The following SLC9B1 variants were observed in gnomAD, a reference collection of about 807,000 sequenced individuals.
SLC9B1 encodes sodium/hydrogen exchanger 9B1.
SLC9B1 carries 32 observed loss-of-function variants against 51.7 expected under a neutral mutation model. The ratio of observed to expected loss-of-function variants is 0.62; its 90% CI spans 0.47 to 0.83. The LOEUF (loss-of-function observed/expected upper bound fraction) is 0.83, where lower values mean the gene tolerates loss of function less well. Among genes scored for constraint, SLC9B1 ranks in the 40% least tolerant of loss-of-function variants. The pLI is 0.00. For synonymous variants in SLC9B1, 145 were observed against 212.7 expected, an observed-to-expected ratio of 0.68 and a Z score of 2.77; for missense variants, 406 against 613.2, an observed-to-expected ratio of 0.66 and a Z score of 3.57.
chr4:102,973,463 A>C (rs1446478891), intron 3 of SLC9B1, among the ~76,000 whole-genome samples: 5 of 152,260 alleles, frequency 3.3e-5, no homozygotes, highest in African/African-American at 1.2e-4. Context: ...AGAAACTTAA[A>C]CCTCTGAGTC....
downstream of SLC9B1, among the ~76,000 whole-genome samples, chr4:102,898,879 C>T (rs928081569): frequency 6.6e-6 from 1 of 152,190 alleles, no homozygotes; most frequent in African/African-American, 2.4e-5. Flanking sequence ...AGGCACCTGC[C>T]ACCACGCCTG....
chr4:102,998,749 G>A (rs1740360668), intron 1 of SLC9B1, among the ~76,000 whole-genome samples: 1 of 152,022 alleles, frequency 6.6e-6, no homozygotes, highest in African/African-American at 2.4e-5. Flanking sequence ...GGTATCTACT[G>A]TAGTTTTCAT....
At chr4:102,908,186 T>C (rs538825662) in intron 9 of SLC9B1, among the ~76,000 whole-genome samples, 348 of 152,214 alleles carry the variant, frequency 2.3e-3, no homozygotes, top group African/African-American at 8.2e-3. Flanking sequence ...AGAAGTAGGA[T>C]TAAATAGACT....
intron 3 of SLC9B1, among the ~76,000 whole-genome samples, chr4:102,969,946 TA>T (rs201639901): frequency 6.8e-6 from 1 of 147,306 alleles, no homozygotes; most frequent in African/African-American, 2.5e-5. Flanking sequence ...AGAAAAAGAG[TA>T]AAAAAAAACG....
chr4:102,888,054 C>CTGTGTGTGTGTG (rs35045951), intron 11 of SLC9B1: 1 of 148,106 alleles, frequency 6.8e-6, no homozygotes, highest in Non-Finnish European at 1.5e-5. Flanking sequence ...AGGCTTGTGT[C>CTGTGTGTGTGTG]TGTGTGTGTG....
At chr4:102,931,512 A>G (rs187697598) in intron 7 of SLC9B1, among the ~76,000 whole-genome samples, 15 of 152,296 alleles carry the variant, frequency 9.8e-5, no homozygotes, top group Admixed American at 2.0e-4. Context: ...TTACTTTTCA[A>G]CTTAAAAATA....
intron 3 of SLC9B1, among the ~76,000 whole-genome samples, chr4:102,965,467 A>T (rs1738373398): frequency 6.6e-6 from 1 of 152,158 alleles, no homozygotes; most frequent in Non-Finnish European, 1.5e-5. Flanking sequence ...ATCCAGTTTC[A>T]TGAGAGCAAG....
intron 3 of SLC9B1, among the ~76,000 whole-genome samples, chr4:102,950,577 T>A (rs1737497242): frequency 6.6e-6 from 1 of 152,208 alleles, no homozygotes; most frequent in African/African-American, 2.4e-5. Flanking sequence ...TTTGCCAGGG[T>A]AAAAGAGGAC....
intron 1 of SLC9B1, among the ~76,000 whole-genome samples, chr4:103,005,273 A>C (rs1021140111): frequency 6.6e-6 from 1 of 151,660 alleles, no homozygotes; most frequent in Non-Finnish European, 1.5e-5. Flanking sequence ...AAAAAAAAAA[A>C]AAAACCAGAA....
intron 7 of SLC9B1, among the ~76,000 whole-genome samples, chr4:102,923,362 G>C (rs567449264): frequency 1.3e-5 from 2 of 152,196 alleles, no homozygotes; most frequent in South Asian, 2.1e-4. Context: ...AAATTCAACA[G>C]CCCTTCATGC....
At chr4:102,939,958 C>T (rs545014840) in intron 6 of SLC9B1, among the ~76,000 whole-genome samples, 1 of 152,164 alleles carries the variant, frequency 6.6e-6, no homozygotes, top group African/African-American at 2.4e-5. Context: ...CAAGGATGCC[C>T]ACTCTCACTA....
intron 6 of SLC9B1, among the ~76,000 whole-genome samples, chr4:102,938,448 A>C (rs546409451): frequency 6.6e-6 from 1 of 152,364 alleles, no homozygotes; most frequent in South Asian, 2.1e-4. Context: ...TCTCACTGAC[A>C]GTACTAGACA....
intron 3 of SLC9B1, among the ~76,000 whole-genome samples, chr4:102,973,999 G>A (rs556552219): frequency 6.6e-6 from 1 of 152,194 alleles, no homozygotes; most frequent in South Asian, 2.1e-4. Context: ...ACTTTGGGAG[G>A]TCAAGGCGGG....
chr4:102,886,188 T>C (rs1463719370), intron 11 of SLC9B1, among the ~76,000 whole-genome samples: 1 of 152,104 alleles, frequency 6.6e-6, no homozygotes, highest in African/African-American at 2.4e-5. Flanking sequence ...CAATTTTGTT[T>C]AAAAAACGAA....
intron 1 of SLC9B1, among the ~76,000 whole-genome samples, chr4:103,012,184 T>C (rs1205528516): frequency 6.6e-6 from 1 of 152,222 alleles, no homozygotes; most frequent in African/African-American, 2.4e-5. Context: ...CCTCAGCATT[T>C]TGTTTAGGTA....
intron 1 of SLC9B1, among the ~76,000 whole-genome samples, chr4:103,004,961 T>C (rs1292818064): frequency 6.6e-6 from 1 of 152,122 alleles, no homozygotes; most frequent in African/African-American, 2.4e-5. Context: ...TTAAAGACTG[T>C]TACCAGCCAC....
intron 1 of SLC9B1, among the ~76,000 whole-genome samples, chr4:103,001,212 C>G (rs1740508074): frequency 6.6e-6 from 1 of 152,184 alleles, no homozygotes; most frequent in African/African-American, 2.4e-5. Context: ...GCAGCAAGGC[C>G]CTGGGCCTGG....
intron 1 of SLC9B1, among the ~76,000 whole-genome samples, chr4:102,997,390 T>C (rs1291487516): frequency 1.3e-5 from 2 of 152,204 alleles, no homozygotes; most frequent in Non-Finnish European, 1.5e-5. Flanking sequence ...GAACAGTATG[T>C]CTTTCATTAG....
At chr4:102,950,333 G>A (rs1480279980) in intron 3 of SLC9B1, among the ~76,000 whole-genome samples, 1 of 152,192 alleles carries the variant, frequency 6.6e-6, no homozygotes, top group Non-Finnish European at 1.5e-5. Context: ...GGAAGTAGAG[G>A]TAGATAAGAT....
Sources: allele counts gnomAD v4.1 joint callset (sites outside exome capture counted in the v4.1 genomes callset), GRCh38; gene constraint gnomAD v4.1.1; transcripts MANE v1.5; gene names NCBI Gene and HGNC (gene_info 2026-07-23, HGNC 2026-07-21).